The following LRP1B variants were observed in gnomAD, a reference collection of about 807,000 sequenced individuals.
LRP1B encodes low-density lipoprotein receptor-related protein 1B.
LRP1B carries 217 observed loss-of-function variants against 556.6 expected under a neutral mutation model. The ratio of observed to expected loss-of-function variants is 0.39; its 90% CI spans 0.35 to 0.44. The LOEUF (loss-of-function observed/expected upper bound fraction) is 0.44. Among genes scored for constraint, LRP1B ranks in the 20% least tolerant of loss-of-function variants. The probability of loss-of-function intolerance (pLI) is 1.00; values close to 1 mark genes in which losing one functional copy is unlikely to be tolerated. For synonymous variants in LRP1B, 2,047 were observed against 1,865.8 expected (o/e 1.10, Z -2.50); for missense variants, 5,053 against 5,620.8 (o/e 0.90, Z 3.23).
chr2:141,750,175 C>T (rs1224066789), intron 2 of LRP1B, among the ~76,000 whole-genome samples: 3 of 152,120 alleles, frequency 2.0e-5, no homozygotes, highest in African/African-American at 7.2e-5. Flanking sequence ...GCACCATCTC[C>T]TTTCATGGAA....
chr2:141,744,609 T>C (rs1265454892), intron 2 of LRP1B, among the ~76,000 whole-genome samples: 1 of 152,190 alleles, frequency 6.6e-6, no homozygotes, highest in Non-Finnish European at 1.5e-5. Context: ...CTATTATCTC[T>C]CTCTCTAGCT....
chr2:141,488,926 C>A (rs551574615), intron 2 of LRP1B, among the ~76,000 whole-genome samples: 1 of 151,272 alleles, frequency 6.6e-6, no homozygotes, highest in South Asian at 2.1e-4. Flanking sequence ...TCTAACGTAC[C>A]ATTAACCTGA....
chr2:141,826,550 A>G (rs552051), intron 1 of LRP1B, among the ~76,000 whole-genome samples: 31,587 of 151,614 alleles, frequency 0.21, 3,385 homozygotes, highest in East Asian at 0.32. Flanking sequence ...CAGTAGAGAC[A>G]GTGTTTCACC....
intron 82 of LRP1B, among the ~76,000 whole-genome samples, chr2:140,317,377 G>T (rs1684569534): frequency 6.6e-6 from 1 of 152,038 alleles, no homozygotes; most frequent in Admixed American, 6.6e-5. Context: ...TATTCTAAAG[G>T]TCATTCAGAG....
At chr2:141,926,353 T>C (rs1700333701) in intron 1 of LRP1B, among the ~76,000 whole-genome samples, 2 of 152,226 alleles carry the variant, frequency 1.3e-5, no homozygotes, top group Non-Finnish European at 1.5e-5. Context: ...TTAGTGATTA[T>C]GTTCTGTTTC....
chr2:141,822,668 T>G (rs2105732542), intron 1 of LRP1B, among the ~76,000 whole-genome samples: 1 of 152,292 alleles, frequency 6.6e-6, no homozygotes, highest in East Asian at 1.9e-4. Flanking sequence ...CTACAATTGT[T>G]TTTTATCTCC....
intron 2 of LRP1B, among the ~76,000 whole-genome samples, chr2:141,771,277 T>C (rs1029144430): frequency 6.6e-6 from 1 of 152,108 alleles, no homozygotes; most frequent in Non-Finnish European, 1.5e-5. Flanking sequence ...AAAAAACTAG[T>C]TGGATATGAA....
At chr2:140,902,646 T>C (rs1366802) in intron 23 of LRP1B, among the ~76,000 whole-genome samples, 66,458 of 151,958 alleles carry the variant, frequency 0.44, 14,667 homozygotes, top group East Asian at 0.48. Flanking sequence ...TGCTTTTGCC[T>C]ATGCAAAAAC....
intron 1 of LRP1B, among the ~76,000 whole-genome samples, chr2:141,942,312 T>C (rs533912041): frequency 6.6e-6 from 1 of 152,294 alleles, no homozygotes; most frequent in African/African-American, 2.4e-5. Flanking sequence ...GGGTAATTCT[T>C]TGAAATGCCT....
At chr2:141,755,532 T>G (rs1437435155) in intron 2 of LRP1B, among the ~76,000 whole-genome samples, 1 of 152,060 alleles carries the variant, frequency 6.6e-6, no homozygotes, top group East Asian at 1.9e-4. Context: ...TTGGCAAGGC[T>G]ATAGAGAAAA....
intron 1 of LRP1B, among the ~76,000 whole-genome samples, chr2:141,850,259 G>T (rs749805452): frequency 6.6e-6 from 1 of 151,558 alleles, no homozygotes; most frequent in African/African-American, 2.4e-5. Context: ...CTAATAAAAA[G>T]AATTTAAAAT....
At chr2:140,278,031 A>AT (rs2104959598) in intron 84 of LRP1B, among the ~76,000 whole-genome samples, 1 of 41,030 alleles carries the variant, frequency 2.4e-5, no homozygotes, top group African/African-American at 5.3e-5. Context: ...AAATGCACAT[A>AT]TACAAACACA....
At chr2:140,838,890 G>A (rs576789414) in intron 31 of LRP1B, among the ~76,000 whole-genome samples, 1 of 152,048 alleles carries the variant, frequency 6.6e-6, no homozygotes, top group African/African-American at 2.4e-5. Context: ...ACATGCATAT[G>A]GGTAAAATAT....
chr2:141,427,378 C>T (rs1680409238), intron 3 of LRP1B, among the ~76,000 whole-genome samples: 1 of 152,048 alleles, frequency 6.6e-6, no homozygotes, highest in Admixed American at 6.5e-5. Context: ...ACTAGAAAAA[C>T]AAGGCAAAAT....
intron 7 of LRP1B, among the ~76,000 whole-genome samples, chr2:141,111,263 T>G (rs1338860493): frequency 6.6e-6 from 1 of 152,080 alleles, no homozygotes. Flanking sequence ...ATGTATACTG[T>G]GCCTGTACAA....
chr2:141,707,042 G>A (rs545008313), intron 2 of LRP1B, among the ~76,000 whole-genome samples: 3 of 152,168 alleles, frequency 2.0e-5, no homozygotes, highest in East Asian at 1.9e-4. Flanking sequence ...GAAATACAGA[G>A]GCTGAGCAAA....
chr2:141,304,490 T>A (rs1686513060), intron 3 of LRP1B, among the ~76,000 whole-genome samples: 1 of 143,906 alleles, frequency 6.9e-6, no homozygotes. Context: ...TTTTTTTTTT[T>A]TTTTTTTGAG....
chr2:141,961,904 G>A (rs1701413322), intron 1 of LRP1B, among the ~76,000 whole-genome samples: 1 of 151,730 alleles, frequency 6.6e-6, no homozygotes, highest in Non-Finnish European at 1.5e-5. Context: ...TGTCTAGACT[G>A]AGCTTTACTA....
chr2:141,003,851 TTCAC>T (rs1697494634), intron 15 of LRP1B, among the ~76,000 whole-genome samples: 1 of 152,192 alleles, frequency 6.6e-6, no homozygotes, highest in African/African-American at 2.4e-5. Context: ...AGTGTAAGCA[TTCAC>T]TCAATCTTAC....
Sources: gnomAD v4.1 joint callset for allele counts (sites outside exome capture counted in the v4.1 genomes callset) on GRCh38, gnomAD v4.1.1 for gene constraint, MANE v1.5 for transcripts, NCBI Gene and HGNC (gene_info 2026-07-23, HGNC 2026-07-21) for gene names.